Variants in CFAP299 observed in about 807,000 individuals in gnomAD.
CFAP299 encodes the protein cilia- and flagella-associated protein 299.
Under a neutral mutation model 27.0 loss-of-function variants are expected in CFAP299, and 21 were observed. The ratio of observed to expected loss-of-function variants is 0.78; its 90% CI spans 0.55 to 1.12. CFAP299 has a LOEUF of 1.12. Ranked by LOEUF, CFAP299 falls within the 50% of genes most tolerant of loss-of-function variation. The probability of loss-of-function intolerance (pLI) is 0.00; values close to 1 mark genes in which losing one functional copy is unlikely to be tolerated. For synonymous variants in CFAP299, 104 were observed against 98.1 expected (o/e 1.06, Z -0.36); for missense variants, 310 against 276.6 (o/e 1.12, Z -0.86).
chr4:80,863,596 A>C (rs1032678099), intron 3 of CFAP299, among the ~76,000 whole-genome samples: 2 of 152,050 alleles, frequency 1.3e-5, no homozygotes, highest in African/African-American at 2.4e-5. Context: ...ATGTGTCTTG[A>C]TATTTCTTCA....
chr4:80,675,654 A>G (rs952412622), intron 3 of CFAP299, among the ~76,000 whole-genome samples: 1 of 152,184 alleles, frequency 6.6e-6, no homozygotes, highest in Non-Finnish European at 1.5e-5. Flanking sequence ...GGTGGGGTCT[A>G]CAGAGGCAGC....
chr4:80,412,273 C>CT (rs11446475), intron 2 of CFAP299, among the ~76,000 whole-genome samples: 131,450 of 146,700 alleles, frequency 0.9, 59,756 homozygotes, highest in East Asian at 0.99. Flanking sequence ...ACATATAGTC[C>CT]TTTTTTTTTT....
intron 3 of CFAP299, among the ~76,000 whole-genome samples, chr4:80,845,222 T>C (rs1731108379): frequency 2.0e-5 from 3 of 152,036 alleles, no homozygotes; most frequent in Non-Finnish European, 4.4e-5. Context: ...GGCTTAGGAT[T>C]GACTTGGTTT....
chr4:80,529,894 T>C (rs1312867245), intron 2 of CFAP299, among the ~76,000 whole-genome samples: 2 of 152,130 alleles, frequency 1.3e-5, no homozygotes, highest in Non-Finnish European at 2.9e-5. Context: ...CAAACTTAAT[T>C]AAAAGAGAGA....
chr4:80,435,334 T>A (rs1728015511), intron 2 of CFAP299, among the ~76,000 whole-genome samples: 1 of 152,056 alleles, frequency 6.6e-6, no homozygotes, highest in South Asian at 2.1e-4. Context: ...GCACACAGGG[T>A]AATAAGGAAA....
Position 80,362,623 on chromosome 4 carries a change from G to A in CFAP299, c.112-131G>A, listed in dbSNP as rs553676350. 5.1e-4 allele frequency: 511 copies of A among 998,026 alleles called. 6 individuals carry two copies. Among genetic ancestry groups the A allele is most frequent in the Middle Eastern group, 4.5e-3 (17 of 3,800 alleles). 61.8% of individuals were successfully genotyped at this position (998,026 alleles called of 1,614,324 possible). On this transcript the variant is annotated intron_variant, in intron 1 of 5. Coordinates refer to ENST00000358105, the MANE Select transcript of CFAP299 (RefSeq NM_152770.3). ...TTTTATATCTAATAGATCATGTCTA[G>A]TTTTTAAATACATTTAATTTTTCAT... is the stretch of plus-strand genomic sequence containing the variant.
chr4:80,839,852 G>A lies in CFAP299; in HGVS notation c.334-30141G>A, dbSNP rs374722634. On this transcript the variant is annotated intron_variant, in intron 3 of 5. Transcript: ENST00000358105. ...TAGCCCATATGCCTTTCTTGTGTCTGAGACCTTCAAGTCCCTAGGAAACAT... is the reference window on the plus strand; with the variant it reads ...TAGCCCATATGCCTTTCTTGTGTCTAAGACCTTCAAGTCCCTAGGAAACAT... Among the ~76,000 whole-genome samples, 579 of 152,122 alleles carry A rather than the reference G, an allele frequency of 3.8e-3. 1 individual carries two copies. Among genetic ancestry groups the A allele is most frequent in the Middle Eastern group, 0.01 (3 of 294 alleles).
chr4:80,709,193 C>T (rs1231648078), intron 3 of CFAP299, among the ~76,000 whole-genome samples: 1 of 152,024 alleles, frequency 6.6e-6, no homozygotes, highest in Admixed American at 6.6e-5. Flanking sequence ...TTTTTCTTTT[C>T]AGAGTTTAGC....
At chr4:80,596,869 T>C (rs1318132187) in intron 3 of CFAP299, among the ~76,000 whole-genome samples, 3 of 152,200 alleles carry the variant, frequency 2.0e-5, no homozygotes, top group Admixed American at 2.0e-4. Context: ...AAACTAAATA[T>C]TTTGTTTATG....
At chr4:80,412,951 T>C (rs1726800261) in intron 2 of CFAP299, among the ~76,000 whole-genome samples, 1 of 152,210 alleles carries the variant, frequency 6.6e-6, no homozygotes, top group Non-Finnish European at 1.5e-5. Flanking sequence ...ATTTGTGTGT[T>C]ATGGAAGACT....
intron 2 of CFAP299, chr4:80,386,167 C>A (rs777863706): frequency 2.2e-4 from 147 of 675,556 alleles, no homozygotes; most frequent in Non-Finnish European, 3.2e-4. Context: ...GAAACGAACA[C>A]CCCGGGTCCG....
At position 80,680,468 on chromosome 4, in the gene CFAP299, T is replaced by A. The variant is rs1263949213; in HGVS notation, c.333+97285T>A. 2.6e-5 allele frequency among the ~76,000 whole-genome samples: 4 copies of A among 152,292 alleles called. No individual in the cohort carries two copies. In the East Asian group the frequency reaches 7.7e-4, roughly 29 times the overall value. ...TTCATATTTTCATCTCGATACCTTCTCTAAAATAGCCCAACGACACATCAG... is the reference window on the plus strand; with the variant it reads ...TTCATATTTTCATCTCGATACCTTCACTAAAATAGCCCAACGACACATCAG... On this transcript the variant is annotated intron_variant, in intron 3 of 5. Coordinates refer to ENST00000358105, the MANE Select transcript of CFAP299 (RefSeq NM_152770.3).
At chr4:80,757,806 T>C (rs1047305938) in intron 3 of CFAP299, among the ~76,000 whole-genome samples, 3 of 152,098 alleles carry the variant, frequency 2.0e-5, no homozygotes, top group Non-Finnish European at 2.9e-5. Context: ...CCTGACCCCT[T>C]TGTGGGTGGG....
chr4:80,672,416 T>C (rs904634932), intron 3 of CFAP299, among the ~76,000 whole-genome samples: 3 of 152,214 alleles, frequency 2.0e-5, no homozygotes, highest in African/African-American at 7.2e-5. Context: ...CAGTATTTTA[T>C]GGAGGATTTT....
At chr4:80,488,811 G>T (rs564491369) in intron 2 of CFAP299, among the ~76,000 whole-genome samples, 1 of 152,272 alleles carries the variant, frequency 6.6e-6, no homozygotes, top group Non-Finnish European at 1.5e-5. Flanking sequence ...TATATTTTAT[G>T]CAAAGGAAGA....
intron 3 of CFAP299, among the ~76,000 whole-genome samples, chr4:80,761,109 A>T (rs932220039): frequency 5.3e-5 from 8 of 152,234 alleles, no homozygotes; most frequent in Non-Finnish European, 7.3e-5. Flanking sequence ...ATTCAAAAAG[A>T]CATGCCATTT....
intron 3 of CFAP299, among the ~76,000 whole-genome samples, chr4:80,671,659 C>T (rs978531342): frequency 6.6e-6 from 1 of 152,100 alleles, no homozygotes; most frequent in African/African-American, 2.4e-5. Flanking sequence ...TTTGTGTCCT[C>T]TTTTATTTTG....
At chr4:80,388,471 G>C in intron 2 of CFAP299, 1 of 1,112,180 alleles carries the variant, frequency 9.0e-7, no homozygotes, top group Non-Finnish European at 1.4e-6. Flanking sequence ...CTGTGTCCAG[G>C]TCGGGGGCAT....
intron 3 of CFAP299, among the ~76,000 whole-genome samples, chr4:80,630,673 C>T (rs553110458): frequency 6.6e-6 from 1 of 151,800 alleles, no homozygotes; most frequent in South Asian, 2.1e-4. Flanking sequence ...TTATGCAGTA[C>T]AAGGGATTAA....
Sources: allele counts gnomAD v4.1 joint callset (sites outside exome capture counted in the v4.1 genomes callset), GRCh38; gene constraint gnomAD v4.1.1; transcripts MANE v1.5; gene names NCBI Gene and HGNC (gene_info 2026-07-23, HGNC 2026-07-21).